The following JPH2 variants were observed in gnomAD, a reference collection of about 807,000 sequenced individuals.
JPH2 encodes the protein junctophilin 2, also known as junctophilin-2.
Under a neutral mutation model 55.9 loss-of-function variants are expected in JPH2, and 38 were observed. That is an observed-to-expected ratio of 0.68 (90% CI 0.52 to 0.89). The LOEUF (loss-of-function observed/expected upper bound fraction) is 0.89. Among genes scored for constraint, JPH2 ranks in the 40% least tolerant of loss-of-function variants. The probability of loss-of-function intolerance (pLI) is 0.00; values close to 1 mark genes in which losing one functional copy is unlikely to be tolerated. For synonymous variants in JPH2, 480 were observed against 472.4 expected, an observed-to-expected ratio of 1.02 and a Z score of -0.21; for missense variants, 964 against 1,037.6, an observed-to-expected ratio of 0.93 and a Z score of 0.97.
At chr20:44,171,301 C>T (rs1212902748) in intron 1 of JPH2, among the ~76,000 whole-genome samples, 1 of 152,186 alleles carries the variant, frequency 6.6e-6, no homozygotes, top group Non-Finnish European at 1.5e-5. Context: ...TATAGCCCTT[C>T]AGCGTTGCCC....
At chr20:44,143,929 G>A (rs2072476128) in intron 2 of JPH2, among the ~76,000 whole-genome samples, 1 of 152,070 alleles carries the variant, frequency 6.6e-6, no homozygotes, top group Non-Finnish European at 1.5e-5. Flanking sequence ...GACAAATAGG[G>A]GATGGAGACA....
At chr20:44,170,427 C>T (rs753666419) in intron 1 of JPH2, among the ~76,000 whole-genome samples, 4 of 152,124 alleles carry the variant, frequency 2.6e-5, no homozygotes, top group Non-Finnish European at 5.9e-5. Context: ...TTTGGGTGGC[C>T]CATAGAAGTG....
At chr20:44,172,575 C>T (rs1039153701) in intron 1 of JPH2, among the ~76,000 whole-genome samples, 6 of 152,152 alleles carry the variant, frequency 3.9e-5, no homozygotes, top group Non-Finnish European at 8.8e-5. Context: ...TCATTGCAGC[C>T]TCAACCTCCT....
intron 2 of JPH2, among the ~76,000 whole-genome samples, chr20:44,152,007 G>A (rs2072534042): frequency 2.0e-5 from 3 of 152,138 alleles, no homozygotes; most frequent in Admixed American, 1.3e-4. Flanking sequence ...TGCTCTTTCT[G>A]TTGGACCCCA....
intron 2 of JPH2, among the ~76,000 whole-genome samples, chr20:44,125,521 C>G (rs1443602812): frequency 6.6e-6 from 1 of 152,204 alleles, no homozygotes; most frequent in Non-Finnish European, 1.5e-5. Context: ...CACCAAGCTG[C>G]TGCCTTCCTG....
chr20:44,176,318 C>CTTTTTTTT (rs58088590), intron 1 of JPH2, among the ~76,000 whole-genome samples: 2 of 113,668 alleles, frequency 1.8e-5, no homozygotes, highest in Non-Finnish European at 3.5e-5. Context: ...TCCTATCTGT[C>CTTTTTTTT]TTTTTTTTTT....
intron 1 of JPH2, among the ~76,000 whole-genome samples, chr20:44,180,632 A>C (rs905418378): frequency 9.2e-5 from 14 of 152,172 alleles, no homozygotes; most frequent in African/African-American, 3.1e-4. Context: ...GAAAAAAGTC[A>C]ACTTTGGGCT....
At chr20:44,178,075 A>C (rs2072749660) in intron 1 of JPH2, 2 of 774,936 alleles carry the variant, frequency 2.6e-6, no homozygotes, top group Non-Finnish European at 4.8e-6. Context: ...AGATCTGCCT[A>C]CTCTAAGTCT....
chr20:44,177,866 C>G, intron 1 of JPH2: 1 of 1,610,046 alleles, frequency 6.2e-7, no homozygotes, highest in Non-Finnish European at 8.5e-7. Flanking sequence ...GAAGGAAATA[C>G]GGGAATATAT....
intron 1 of JPH2, among the ~76,000 whole-genome samples, chr20:44,170,534 C>G (rs533518037): frequency 8.5e-5 from 13 of 152,238 alleles, no homozygotes; most frequent in African/African-American, 3.1e-4. Flanking sequence ...TCCAAGCATA[C>G]CAAGATCAGA....
chr20:44,172,689 A>C (rs1015006649), intron 1 of JPH2, among the ~76,000 whole-genome samples: 1 of 152,094 alleles, frequency 6.6e-6, no homozygotes, highest in African/African-American at 2.4e-5. Context: ...TGGTCTCGCT[A>C]TGTTGCCCAG....
intron 1 of JPH2, among the ~76,000 whole-genome samples, chr20:44,181,614 A>C (rs987866471): frequency 6.6e-6 from 1 of 152,208 alleles, no homozygotes; most frequent in African/African-American, 2.4e-5. Context: ...TGAACCTTTG[A>C]GGATAAAATG....
At chr20:44,131,639 C>T (rs35311074) in intron 2 of JPH2, among the ~76,000 whole-genome samples, 4,529 of 152,248 alleles carry the variant, frequency 0.03, 97 homozygotes, top group Non-Finnish European at 0.045. Context: ...GTTAGCTGTT[C>T]CTGCCATACT....
intron 2 of JPH2, among the ~76,000 whole-genome samples, chr20:44,125,237 A>G (rs1298250832): frequency 4.6e-5 from 7 of 152,216 alleles, no homozygotes; most frequent in South Asian, 2.1e-4. Flanking sequence ...TGTCTAGAGT[A>G]GTTGTCATAG....
At position 44,116,145 on chromosome 20, in the gene JPH2, G is replaced by T; in HGVS notation, c.1530C>A (p.Gly510=). 1 of 1,434,204 alleles carries T rather than the reference G, an allele frequency of 7.0e-7. No homozygotes were observed. The highest frequency in any genetic ancestry group is 9.1e-7 in the Non-Finnish European group (1 of 1,104,136). The allele number at this position is 1,434,204 out of a possible 1,614,324, so 88.8% of individuals were successfully genotyped here. Residue 510 remains glycine, a synonymous_variant, in exon 4 of 6, where the codon GGC becomes GGA. Transcript: ENST00000372980. ...GVSKDGLLSP[G]AWNGEPSGEG... Reference sequence around the variant, plus strand: ...CACCGCTGGGCTCGCCGTTCCAGGCGCCTGGGCTCAGCAGGCCGTCCTTGG... The same window carrying T: ...CACCGCTGGGCTCGCCGTTCCAGGCTCCTGGGCTCAGCAGGCCGTCCTTGG...
At chr20:44,132,183 G>C (rs1181237446) in intron 2 of JPH2, among the ~76,000 whole-genome samples, 1 of 152,122 alleles carries the variant, frequency 6.6e-6, no homozygotes, top group African/African-American at 2.4e-5. Context: ...TGAATTCCAA[G>C]ATATGTTAAA....
chr20:44,162,791 C>CATATATATATATATATATATATATAT (rs2072624059), intron 1 of JPH2, among the ~76,000 whole-genome samples: 1 of 66,756 alleles, frequency 1.5e-5, no homozygotes, highest in Non-Finnish European at 3.1e-5. Flanking sequence ...TATATATACA[C>CATATATATATATATATATATATATAT]ACACACACAC....
At chr20:44,173,457 C>T (rs895189248) in intron 1 of JPH2, among the ~76,000 whole-genome samples, 7 of 152,114 alleles carry the variant, frequency 4.6e-5, no homozygotes, top group Non-Finnish European at 1.0e-4. Flanking sequence ...CTCTCCCTAG[C>T]CCCCTGCCCG....
At chr20:44,183,873 G>A (rs954687294) in intron 1 of JPH2, among the ~76,000 whole-genome samples, 3 of 152,086 alleles carry the variant, frequency 2.0e-5, no homozygotes, top group East Asian at 3.9e-4. Flanking sequence ...CAGGTAGGGC[G>A]GGGTGTGATG....
Sources: gnomAD v4.1 joint callset for allele counts (sites outside exome capture counted in the v4.1 genomes callset) on GRCh38, gnomAD v4.1.1 for gene constraint, MANE v1.5 for transcripts, NCBI Gene and HGNC (gene_info 2026-07-23, HGNC 2026-07-21) for gene names.